The following PCDH9 variants were observed in gnomAD, a reference collection of about 807,000 sequenced individuals.
PCDH9 encodes the protein protocadherin-9.
A neutral mutation model predicts 70.6 loss-of-function variants in PCDH9; 24 were observed. The ratio of observed to expected loss-of-function variants is 0.34; its 90% CI spans 0.25 to 0.48. The LOEUF (loss-of-function observed/expected upper bound fraction) is 0.48, where lower values mean the gene tolerates loss of function less well. Among genes scored for constraint, PCDH9 ranks in the 20% least tolerant of loss-of-function variants. The pLI, the probability that PCDH9 is intolerant of heterozygous loss-of-function variation, is 0.99. For synonymous variants in PCDH9, 562 were observed against 558.5 expected, an observed-to-expected ratio of 1.01 and a Z score of -0.09; for missense variants, 1,281 against 1,503.6, an observed-to-expected ratio of 0.85 and a Z score of 2.45.
At chr13:67,117,213 C>T (rs2086795523) in intron 2 of PCDH9, among the ~76,000 whole-genome samples, 1 of 152,188 alleles carries the variant, frequency 6.6e-6, no homozygotes, top group African/African-American at 2.4e-5. Flanking sequence ...GTATTCCTTT[C>T]CATGCCAATC....
At chr13:67,154,960 ACCTGAGTGGTGGGTGG>A (rs1213013105) in intron 2 of PCDH9, among the ~76,000 whole-genome samples, 1 of 151,798 alleles carries the variant, frequency 6.6e-6, no homozygotes. Flanking sequence ...TGATCCACCC[ACCTGAGTGGTGGGTGG>A]GTGGCATGAG....
At chr13:66,604,602 G>A (rs1410138964) in intron 4 of PCDH9, among the ~76,000 whole-genome samples, 1 of 151,922 alleles carries the variant, frequency 6.6e-6, no homozygotes, top group Non-Finnish European at 1.5e-5. Flanking sequence ...CTTGAGTGAT[G>A]GATTTTTTCC....
chr13:67,084,560 C>T (rs1204878260), intron 2 of PCDH9, among the ~76,000 whole-genome samples: 1 of 152,082 alleles, frequency 6.6e-6, no homozygotes, highest in Non-Finnish European at 1.5e-5. Context: ...ATTAAGTTGC[C>T]TGGACTTCCT....
intron 4 of PCDH9, among the ~76,000 whole-genome samples, chr13:66,489,382 C>T (rs1348484659): frequency 6.6e-6 from 1 of 152,132 alleles, no homozygotes; most frequent in Non-Finnish European, 1.5e-5. Flanking sequence ...TAGATTACAG[C>T]TCACTGCAGC....
At position 66,304,268 on chromosome 13, in the gene PCDH9, A is replaced by AG. The variant is rs1955421741; in HGVS notation, c.*386_*387insC. ...CCAGCACAAATCAATGACAAAAAAA[A>AG]AAAAAAAAAAAAAAAAAAGCACAAT... On this transcript the variant is annotated 3_prime_UTR_variant, in exon 5 of 5. Coordinates refer to ENST00000377865, the MANE Select transcript of PCDH9 (RefSeq NM_203487.3). The AG allele has an allele frequency of 1.3e-5, 2 of 159,202 alleles. No individual in the cohort carries two copies. The highest frequency in any genetic ancestry group is 4.9e-5 in the African/African-American group (2 of 40,744). The allele number at this position is 159,202 out of a possible 1,614,324, so 9.9% of individuals were successfully genotyped here. A position where few individuals can be genotyped will look rare whatever the true frequency, so the allele number is the denominator to read the frequency against.
chr13:66,790,609 C>A (rs2080149274), intron 3 of PCDH9, among the ~76,000 whole-genome samples: 1 of 151,940 alleles, frequency 6.6e-6, no homozygotes, highest in Non-Finnish European at 1.5e-5. Flanking sequence ...AGGCAGGGGC[C>A]TGTTTAATGT....
chr13:66,678,325 AT>A (rs1193473137), intron 3 of PCDH9, among the ~76,000 whole-genome samples: 2 of 152,108 alleles, frequency 1.3e-5, no homozygotes, highest in African/African-American at 4.8e-5. Flanking sequence ...AAGTGTGTAT[AT>A]AAATTAACGC....
rs763360211 is a variant in PCDH9, at chr13:66,497,814, C to CTTTTTTTT, written c.3340+133388_3340+133395dup. Among the ~76,000 whole-genome samples the CTTTTTTTT allele has an allele frequency of 1.8e-3, 200 of 111,318 alleles. 9 individuals are homozygous for CTTTTTTTT. In the East Asian group the frequency reaches 0.045, roughly 25 times the overall value. The allele number at this position is 111,318 out of a possible 152,430, so 73.0% of individuals were successfully genotyped here. ...AGAAAAAGTGCTATACACACTCTTA[C>CTTTTTTTT]TTTTTTTTTTTTTTTTTTTTTTGAG... On this transcript the variant is annotated intron_variant, in intron 4 of 4. Transcript: ENST00000377865.
intron 2 of PCDH9, among the ~76,000 whole-genome samples, chr13:67,114,310 A>G (rs1455917764): frequency 6.6e-6 from 1 of 152,198 alleles, no homozygotes; most frequent in East Asian, 1.9e-4. Flanking sequence ...TGTGCTTTAT[A>G]CATGAAAAGA....
chr13:66,398,997 A>C (rs1431989872), intron 4 of PCDH9, among the ~76,000 whole-genome samples: 1 of 152,200 alleles, frequency 6.6e-6, no homozygotes, highest in Non-Finnish European at 1.5e-5. Context: ...GGAATTAGAC[A>C]CACCTGTAAC....
intron 4 of PCDH9, among the ~76,000 whole-genome samples, chr13:66,483,881 G>A (rs1450142080): frequency 6.6e-6 from 1 of 152,142 alleles, no homozygotes; most frequent in Non-Finnish European, 1.5e-5. Context: ...ATACAGAAAG[G>A]GCTGGACATC....
chr13:67,226,837 T>C lies in PCDH9; in HGVS notation c.1604A>G (p.Gln535Arg). 1 of 1,614,168 alleles carries C rather than the reference T, an allele frequency of 6.2e-7. No homozygotes were observed. Among genetic ancestry groups the C allele is most frequent in the African/African-American group, 1.3e-5 (1 of 75,042 alleles). ...AGTTACTGTAAAAATGAATCGTTCTTGTTCTTCTCTGTCAAATACTCTGGA... is the reference window on the plus strand; with the variant it reads ...AGTTACTGTAAAAATGAATCGTTCTCGTTCTTCTCTGTCAAATACTCTGGA... ...TASRVFDREE[Q>R]ERFIFTVTAR... The change falls in exon 2 of 5, where the codon CAA (glutamine) becomes CGA (arginine). Residue 535 changes from glutamine to arginine, a missense_variant. By Grantham distance (43) the Gln-to-Arg change is conservative (BLOSUM62 1). Transcript: ENST00000377865. This position sits in a 1 kb window ranked among gnomAD's most constrained non-coding sequence, Gnocchi z 5.0.
At chr13:66,470,811 C>T (rs1958604677) in intron 4 of PCDH9, among the ~76,000 whole-genome samples, 1 of 151,406 alleles carries the variant, frequency 6.6e-6, no homozygotes, top group Non-Finnish European at 1.5e-5. Context: ...TCTACCTAAT[C>T]TTGCTGAGCT....
chr13:67,199,597 A>G (rs1001821534), intron 2 of PCDH9, among the ~76,000 whole-genome samples: 1 of 152,056 alleles, frequency 6.6e-6, no homozygotes, highest in East Asian at 1.9e-4. Flanking sequence ...CAGCTCATGA[A>G]AAAATATTAA....
chr13:67,024,989 G>C (rs968790515), intron 2 of PCDH9, among the ~76,000 whole-genome samples: 5 of 151,862 alleles, frequency 3.3e-5, no homozygotes, highest in African/African-American at 1.2e-4. Flanking sequence ...AAGTATATTC[G>C]TTTGTCATTT....
intron 4 of PCDH9, among the ~76,000 whole-genome samples, chr13:66,307,282 T>G (rs937813941): frequency 6.6e-6 from 1 of 152,126 alleles, no homozygotes; most frequent in Non-Finnish European, 1.5e-5. Flanking sequence ...GGTCTTCTGA[T>G]TCTTCACAGT....
intron 3 of PCDH9, among the ~76,000 whole-genome samples, chr13:66,728,404 T>TA (rs1593962071): frequency 6.6e-6 from 1 of 152,130 alleles, no homozygotes; most frequent in Non-Finnish European, 1.5e-5. Flanking sequence ...TGCTGAAATT[T>TA]AAAAAAATGT....
chr13:66,520,566 G>T (rs1357932531), intron 4 of PCDH9, among the ~76,000 whole-genome samples: 2 of 152,166 alleles, frequency 1.3e-5, no homozygotes, highest in Non-Finnish European at 2.9e-5. Context: ...AATGCTTGTT[G>T]CCTTTAAAAT....
intron 2 of PCDH9, among the ~76,000 whole-genome samples, chr13:66,994,494 T>C (rs2084069676): frequency 1.3e-5 from 2 of 152,030 alleles, no homozygotes; most frequent in South Asian, 4.1e-4. Context: ...AGCTGAAAGA[T>C]AACAGCTTAA....
Sources: gnomAD v4.1 joint callset for allele counts (sites outside exome capture counted in the v4.1 genomes callset) on GRCh38, gnomAD v4.1.1 for gene constraint, Gnocchi (gnomAD v3.1) non-coding constraint, MANE v1.5 for transcripts, NCBI Gene and HGNC (gene_info 2026-07-23, HGNC 2026-07-21) for gene names.